PCGF3: variants seen among roughly 807,000 people sequenced by gnomAD.
PCGF3 encodes the protein polycomb group RING finger protein 3.
PCGF3 carries 7 observed loss-of-function variants against 33.1 expected under a neutral mutation model. The observed-to-expected ratio is 0.21, with a 90% CI of 0.12 to 0.40. The LOEUF is 0.40. PCGF3 is among the 10% of genes least tolerant of loss of function. The pLI is 1.00. For synonymous variants in PCGF3, 153 were observed against 121.3 expected (o/e 1.26, Z -1.72); for missense variants, 211 against 313.3 (o/e 0.67, Z 2.46).
chr4:743,470 G>C lies in PCGF3; in HGVS notation c.263-4G>C. 1 of 1,587,326 alleles carries C rather than the reference G, an allele frequency of 6.3e-7. No individual in the cohort carries two copies. Among genetic ancestry groups the C allele is most frequent in the Non-Finnish European group, 8.7e-7 (1 of 1,155,958 alleles). On this transcript the variant is annotated splice_polypyrimidine_tract_variant and splice_region_variant and intron_variant, in intron 6 of 10. Transcript: ENST00000362003. ...ATGAAAGACTGTGTGTTGATTTTCCGCAGCGGAAATGAGAAAGCAGAGGGA... is the reference window on the plus strand; with the variant it reads ...ATGAAAGACTGTGTGTTGATTTTCCCCAGCGGAAATGAGAAAGCAGAGGGA...
At chr4:725,057 G>A (rs931995717) in intron 1 of PCGF3, 1 of 152,370 alleles carries the variant, frequency 6.6e-6, no homozygotes, top group Non-Finnish European at 1.5e-5. Flanking sequence ...GAAGTAGGCA[G>A]TTTTGGATCT....
At chr4:753,643 CAA>C (rs777114866) in intron 8 of PCGF3, among the ~76,000 whole-genome samples, 35 of 109,982 alleles carry the variant, frequency 3.2e-4, no homozygotes, top group East Asian at 5.3e-4. Context: ...AGTCCGGTCT[CAA>C]AAAAAAAAAA....
intron 6 of PCGF3, among the ~76,000 whole-genome samples, chr4:738,351 T>C (rs1464946768): frequency 6.6e-6 from 1 of 152,258 alleles, no homozygotes; most frequent in Admixed American, 6.5e-5. Context: ...AGGAAGAATT[T>C]AGATTTCCTG....
Position 717,587 on chromosome 4 carries a change from C to T in PCGF3, c.-190+11617C>T, listed in dbSNP as rs142150656. ...TAGCGACGGGGTTTCACTGTATTGG[C>T]CAAGCTGCTCTCAAGCCCCTGACCT... On this transcript the variant is annotated intron_variant, in intron 1 of 10. Coordinates refer to ENST00000362003, the Ensembl canonical transcript of PCGF3. Among the ~76,000 whole-genome samples, 1,211 of 152,294 alleles carry T rather than the reference C, an allele frequency of 8.0e-3. 11 individuals are homozygous for T. Among genetic ancestry groups the T allele is most frequent in the Middle Eastern group, 0.031 (9 of 294 alleles).
intron 4 of PCGF3, chr4:734,409 A>C: frequency 7.3e-7 from 1 of 1,369,536 alleles, no homozygotes; most frequent in Admixed American, 3.5e-5. Flanking sequence ...AATGAAGTGT[A>C]CGCTTATAAT....
chr4:715,450 A>G (rs1291429904), intron 1 of PCGF3, among the ~76,000 whole-genome samples: 1 of 148,330 alleles, frequency 6.7e-6, no homozygotes, highest in Non-Finnish European at 1.5e-5. Context: ...GACCCTGTAG[A>G]CACTGTGAGT....
At chr4:742,641 C>A (rs1406238086) in intron 6 of PCGF3, among the ~76,000 whole-genome samples, 1 of 152,194 alleles carries the variant, frequency 6.6e-6, no homozygotes, top group Admixed American at 6.5e-5. Flanking sequence ...CTGGAACCTG[C>A]GAGGTTCTGG....
At chr4:722,440 G>T in intron 1 of PCGF3, 1 of 269,794 alleles carries the variant, frequency 3.7e-6, no homozygotes, top group South Asian at 3.1e-5. Context: ...TGTCTGAGCT[G>T]GGTGGAGAGG....
chr4:706,700 C>T (rs1742321824), intron 1 of PCGF3, among the ~76,000 whole-genome samples: 1 of 132,902 alleles, frequency 7.5e-6, no homozygotes, highest in Non-Finnish European at 1.6e-5. Flanking sequence ...GCAGGGACCC[C>T]AGACCAGGCA....
At chr4:754,869 G>A (rs1744699053) in intron 8 of PCGF3, among the ~76,000 whole-genome samples, 1 of 152,226 alleles carries the variant, frequency 6.6e-6, no homozygotes, top group African/African-American at 2.4e-5. Flanking sequence ...AGGTGGCGGT[G>A]CGGGTGCAGC....
chr4:765,934 C>G, intron 10 of PCGF3, 98 bp from the exon 11 acceptor site: 1 of 1,071,752 alleles, frequency 9.3e-7, no homozygotes, highest in African/African-American at 1.5e-5. Flanking sequence ...TGGACTGTGC[C>G]TCACGGGACG....
chr4:752,743 C>G (rs1744581274), intron 8 of PCGF3, among the ~76,000 whole-genome samples: 1 of 152,236 alleles, frequency 6.6e-6, no homozygotes, highest in Admixed American at 6.5e-5. Context: ...GGTCTTCCCA[C>G]CAGACTGAGG....
chr4:717,097 C>T (rs1326801836), intron 1 of PCGF3, among the ~76,000 whole-genome samples: 1 of 94,630 alleles, frequency 1.1e-5, no homozygotes, highest in African/African-American at 4.4e-5. Flanking sequence ...AACTGAGCGT[C>T]GGTGCTGGGA....
chr4:752,792 C>T lies in PCGF3; in HGVS notation c.462+8104C>T, dbSNP rs542191141. On this transcript the variant is annotated intron_variant, in intron 8 of 10. Coordinates refer to ENST00000362003, the Ensembl canonical transcript of PCGF3. ...AGGGGCCTGCGCGTGGCTGTGACCC[C>T]GCCAGGGCAACCCCAGAGATTCCCG... Among the ~76,000 whole-genome samples, 242 of 152,374 alleles carry T rather than the reference C, an allele frequency of 1.6e-3. 3 individuals carry two copies. Among genetic ancestry groups the T allele is most frequent in the Non-Finnish European group, 6.5e-4 (44 of 68,034 alleles).
chr4:716,692 C>T (rs1044093089), intron 1 of PCGF3, among the ~76,000 whole-genome samples: 1 of 130,848 alleles, frequency 7.6e-6, no homozygotes, highest in African/African-American at 3.0e-5. Flanking sequence ...TGTGTGAGAA[C>T]TGGGCGTCGG....
At chr4:765,995 C>T (rs1487127298) in intron 10 of PCGF3, 37 bp from the exon 11 acceptor site, 10 of 1,607,846 alleles carry the variant, frequency 6.2e-6, no homozygotes, top group Admixed American at 5.0e-5. Flanking sequence ...GCCTCCACCC[C>T]TGCTAAGCAG....
chr4:743,659 G>A lies in PCGF3; in HGVS notation c.373+75G>A, dbSNP rs541660870. 37 of 855,310 alleles carry A rather than the reference G, an allele frequency of 4.3e-5. No individual in the cohort carries two copies. The African/African-American group carries it at 5.7e-4, about 13-fold the overall frequency. 53.0% of individuals were successfully genotyped at this position (855,310 alleles called of 1,614,324 possible). ...GGCCTTTTCTTAAAGAGCTGGCGCT[G>A]TCTGCCGGCCCCTCCCACACGCACT... On this transcript the variant is annotated intron_variant, in intron 7 of 10. Coordinates refer to ENST00000362003, the Ensembl canonical transcript of PCGF3.
chr4:725,385 G>A (rs989201930), intron 1 of PCGF3, among the ~76,000 whole-genome samples: 10 of 152,274 alleles, frequency 6.6e-5, no homozygotes, highest in South Asian at 2.1e-4. Context: ...TGGACTAGAC[G>A]TGGGGTGTGT....
At chr4:740,582 G>C (rs1432467714) in intron 6 of PCGF3, among the ~76,000 whole-genome samples, 5 of 152,032 alleles carry the variant, frequency 3.3e-5, no homozygotes, top group Admixed American at 6.6e-5. Flanking sequence ...GAACATGCCT[G>C]TCACCTCTTG....
Sources: gnomAD v4.1 joint callset for allele counts (sites outside exome capture counted in the v4.1 genomes callset) on GRCh38, gnomAD v4.1.1 for gene constraint, MANE v1.5 for transcripts, NCBI Gene and HGNC (gene_info 2026-07-23, HGNC 2026-07-21) for gene names.